The following FOXP2 variants were observed in gnomAD, a reference collection of about 807,000 sequenced individuals.
The protein encoded by FOXP2 is forkhead box protein P2.
A neutral mutation model predicts 115.8 loss-of-function variants in FOXP2; 12 were observed. The ratio of observed to expected loss-of-function variants is 0.10; its 90% CI spans 0.07 to 0.17. FOXP2 has a LOEUF of 0.17. Among genes scored for constraint, FOXP2 ranks in the 10% least tolerant of loss-of-function variants. The probability of loss-of-function intolerance (pLI) is 1.00; values close to 1 mark genes in which losing one functional copy is unlikely to be tolerated. For synonymous variants in FOXP2, 328 were observed against 297.7 expected (o/e 1.10, Z -1.05); for missense variants, 629 against 843.5 (o/e 0.75, Z 3.15).
rs183648699 is a variant in FOXP2 at position 114,381,934 on chromosome 7, T to C, written c.-10-44568T>C. On this transcript the variant is annotated intron_variant, in intron 2 of 17. Transcript: ENST00000634411. ...CATTCTTTGCTTGTCCATATTGTCC[T>C]TCTGTTGCCCAGACTTCAGGATTAA... Among the ~76,000 whole-genome samples the C allele has an allele frequency of 1.8e-3, 267 of 152,284 alleles. 2 individuals carry two copies. The highest frequency in any genetic ancestry group is 0.01 in the Middle Eastern group (3 of 294).
At chr7:114,417,152 G>A (rs1793385375) in intron 1 of FOXP2, among the ~76,000 whole-genome samples, 1 of 151,898 alleles carries the variant, frequency 6.6e-6, no homozygotes, top group African/African-American at 2.4e-5. Context: ...TATGCATAAT[G>A]AGGTTTGTGA....
At chr7:114,527,507 C>T (rs549683236) in intron 2 of FOXP2, among the ~76,000 whole-genome samples, 1 of 151,972 alleles carries the variant, frequency 6.6e-6, no homozygotes, top group African/African-American at 2.4e-5. Flanking sequence ...GGTGTCTTTA[C>T]CAACAATCTA....
At chr7:114,111,054 A>G (rs1791255620) in intron 1 of FOXP2, among the ~76,000 whole-genome samples, 1 of 152,250 alleles carries the variant, frequency 6.6e-6, no homozygotes, top group South Asian at 2.1e-4. Flanking sequence ...TAAGTATCAG[A>G]GGATTAGAAG....
intron 3 of FOXP2, among the ~76,000 whole-genome samples, chr7:114,552,819 G>A (rs1800275492): frequency 6.6e-6 from 1 of 152,138 alleles, no homozygotes; most frequent in Middle Eastern, 3.4e-3. Flanking sequence ...GGAATATTTA[G>A]AAATATAATT....
chr7:114,577,449 A>G (rs1801632280), intron 3 of FOXP2, among the ~76,000 whole-genome samples: 1 of 152,032 alleles, frequency 6.6e-6, no homozygotes, highest in Non-Finnish European at 1.5e-5. Flanking sequence ...ACTGTTTATC[A>G]TAACAATAAG....
At chr7:114,557,084 G>T (rs888031209) in intron 3 of FOXP2, among the ~76,000 whole-genome samples, 37 of 151,988 alleles carry the variant, frequency 2.4e-4, no homozygotes, top group Non-Finnish European at 2.9e-5. Flanking sequence ...AAAGACTTTT[G>T]CTTGAAAATT....
At position 114,662,054 on chromosome 7, in the gene FOXP2, G is replaced by T. The variant is rs1806898832; in HGVS notation, c.1648-11G>T. 1.2e-6 allele frequency: 2 copies of T among 1,612,112 alleles called. No homozygotes were observed. The highest frequency in any genetic ancestry group is 1.3e-5 in the African/African-American group (1 of 74,804). ...TTTTTGCCATTTTTTCTTCTCTTCT[G>T]TCTGCTTTAGAATGCAGTACGTCAT... On this transcript the variant is annotated splice_polypyrimidine_tract_variant and intron_variant, in intron 13 of 16. Transcript: ENST00000350908.
chr7:114,385,969 C>T (rs921859818), intron 2 of FOXP2, among the ~76,000 whole-genome samples: 3 of 152,290 alleles, frequency 2.0e-5, no homozygotes, highest in African/African-American at 4.8e-5. Context: ...CCGTGGGTCA[C>T]GGAAGAGAAC....
chr7:114,692,911 G>T lies in FOXP2; in HGVS notation c.*2985G>T, dbSNP rs777327357. 3.1e-5 allele frequency: 14 copies of T among 453,830 alleles called. No homozygotes were observed. The highest frequency in any genetic ancestry group is 8.0e-5 in the African/African-American group (4 of 49,948). 28.1% of individuals were successfully genotyped at this position (453,830 alleles called of 1,614,324 possible). Reference sequence around the variant, plus strand: ...TACTTTGAATTCTCTGACGTTAGAAGTCATGGTTGAGAATTGTAACAGCTG... The same window carrying T: ...TACTTTGAATTCTCTGACGTTAGAATTCATGGTTGAGAATTGTAACAGCTG... On this transcript the variant is annotated 3_prime_UTR_variant, in exon 17 of 17. Coordinates refer to ENST00000350908, the MANE Select transcript of FOXP2 (RefSeq NM_014491.4).
chr7:114,503,267 T>C (rs1348509871), intron 2 of FOXP2, among the ~76,000 whole-genome samples: 1 of 151,872 alleles, frequency 6.6e-6, no homozygotes, highest in Non-Finnish European at 1.5e-5. Flanking sequence ...GTACCTTCTT[T>C]TAATTTTTGA....
Position 114,663,519 on chromosome 7 carries a change from G to A in FOXP2, c.1839G>A (p.Gln613=), listed in dbSNP as rs753072141. ...GAGCAGCTCTTAATGCCAGTTTGCA[G>A]GTAATGTACTTTCCCAGTTTTGTTG... ...GYGAALNASL[Q]AALAESSLPL... Residue 613 remains glutamine (Q), a splice_region_variant and synonymous_variant, in exon 15 of 17, where the codon CAG becomes CAA. Transcript: ENST00000350908. 3 of 1,607,184 alleles carry A rather than the reference G, an allele frequency of 1.9e-6. No homozygotes were observed. In the East Asian group the frequency reaches 6.7e-5, roughly 36 times the overall value.
At chr7:114,375,791 G>A (rs899145575) in intron 2 of FOXP2, among the ~76,000 whole-genome samples, 2 of 152,148 alleles carry the variant, frequency 1.3e-5, no homozygotes, top group African/African-American at 4.8e-5. Flanking sequence ...TGGCTTCCAG[G>A]AGAGTGAAAA....
chr7:114,652,145 C>A, intron 8 of FOXP2, 58 bp from the exon 9 acceptor site: 1 of 1,504,644 alleles, frequency 6.6e-7, no homozygotes. Context: ...TAAGTGTAGC[C>A]TATGCCACTA....
intron 1 of FOXP2, among the ~76,000 whole-genome samples, chr7:114,213,106 G>A (rs1190377385): frequency 6.6e-6 from 1 of 152,054 alleles, no homozygotes; most frequent in East Asian, 1.9e-4. Context: ...TCTGTTAGTG[G>A]TATTTGTTAC....
At chr7:114,266,592 C>T (rs1056268022) in intron 1 of FOXP2, among the ~76,000 whole-genome samples, 3 of 152,102 alleles carry the variant, frequency 2.0e-5, no homozygotes, top group Non-Finnish European at 4.4e-5. Flanking sequence ...AGAACAGCAT[C>T]GGGATATGAG....
intron 2 of FOXP2, among the ~76,000 whole-genome samples, chr7:114,479,462 C>G (rs1253932830): frequency 6.6e-6 from 1 of 150,746 alleles, no homozygotes; most frequent in Non-Finnish European, 1.5e-5. Context: ...TCTGAACCTG[C>G]CATATGTTCA....
intron 3 of FOXP2, among the ~76,000 whole-genome samples, chr7:114,577,242 C>G (rs551979928): frequency 6.6e-6 from 1 of 151,866 alleles, no homozygotes; most frequent in East Asian, 1.9e-4. Context: ...TTAAGCAGCA[C>G]GGGACTTCCA....
At chr7:114,180,424 A>G (rs1488367596) in intron 1 of FOXP2, among the ~76,000 whole-genome samples, 1 of 151,722 alleles carries the variant, frequency 6.6e-6, no homozygotes, top group Non-Finnish European at 1.5e-5. Flanking sequence ...CTTACTCCCA[A>G]AGCCTTAACT....
At chr7:114,112,112 A>C (rs1791283135) in intron 1 of FOXP2, among the ~76,000 whole-genome samples, 1 of 152,038 alleles carries the variant, frequency 6.6e-6, no homozygotes, top group South Asian at 2.1e-4. Context: ...ACTAGTGTAC[A>C]AGAGTGTGCC....
Sources: gnomAD v4.1 joint callset for allele counts (sites outside exome capture counted in the v4.1 genomes callset) on GRCh38, gnomAD v4.1.1 for gene constraint, MANE v1.5 for transcripts, NCBI Gene and HGNC (gene_info 2026-07-23, HGNC 2026-07-21) for gene names.